Variants in RHOU observed in about 807,000 individuals in gnomAD.
RHOU encodes ras homolog family member U, also known as rho-related GTP-binding protein RhoU.
RHOU carries 8 observed loss-of-function variants against 12.6 expected under a neutral mutation model. The ratio of observed to expected loss-of-function variants is 0.64; its 90% CI spans 0.37 to 1.15. RHOU has a LOEUF of 1.15. Ranked by LOEUF, RHOU falls within the 50% of genes most tolerant of loss-of-function variation. RHOU has a pLI of 0.01. For missense variants in RHOU, 258 were observed against 347.0 expected (o/e 0.74, Z 2.04); for synonymous variants, 161 against 147.4 (o/e 1.09, Z -0.67).
chr1:228,646,837 C>G, the RHOU span, among the ~76,000 whole-genome samples: 17 of 151,962 alleles, frequency 1.1e-4, no homozygotes, highest in Non-Finnish European at 2.2e-4. Context: ...CAGACACACA[C>G]GGCTTGAAGG....
At chr1:228,646,831 C>T in the RHOU span, among the ~76,000 whole-genome samples, 1 of 151,988 alleles carries the variant, frequency 6.6e-6, no homozygotes, top group Non-Finnish European at 1.5e-5. Context: ...GAAACACAGA[C>T]ACACACGGCT....
At chr1:228,654,190 C>T in the RHOU span, among the ~76,000 whole-genome samples, 1 of 151,940 alleles carries the variant, frequency 6.6e-6, no homozygotes, top group Non-Finnish European at 1.5e-5. Flanking sequence ...TTACTGAAGC[C>T]TTGAACTCCT....
chr1:228,742,107 T>G (rs900986838), intron 2 of RHOU, among the ~76,000 whole-genome samples: 5 of 152,232 alleles, frequency 3.3e-5, no homozygotes, highest in African/African-American at 1.2e-4. Context: ...GAACTTTTTC[T>G]TGTCATTGGG....
the RHOU span, among the ~76,000 whole-genome samples, chr1:228,700,077 A>G: frequency 6.6e-6 from 1 of 152,204 alleles, no homozygotes; most frequent in Non-Finnish European, 1.5e-5. Flanking sequence ...ATAGAGCTTT[A>G]TATAATGGAA....
At chr1:228,734,628 G>A (rs1258496096), upstream of RHOU, among the ~76,000 whole-genome samples, 1 of 149,228 alleles carries the variant, frequency 6.7e-6, no homozygotes, top group Non-Finnish European at 1.5e-5. Flanking sequence ...TAGTATCAAT[G>A]TGTATTAATA....
chr1:228,691,271 A>G, the RHOU span, among the ~76,000 whole-genome samples: 1 of 152,122 alleles, frequency 6.6e-6, no homozygotes, highest in African/African-American at 2.4e-5. Context: ...ACCAGTCTGT[A>G]GTTTACATTA....
chr1:228,707,184 T>TATATATATACATATATATATAC, the RHOU span, among the ~76,000 whole-genome samples: 2 of 86,262 alleles, frequency 2.3e-5, no homozygotes, highest in African/African-American at 1.4e-4. Context: ...ATTAACAAAA[T>TATATATATACATATATATATAC]ATATATATAT....
the RHOU span, among the ~76,000 whole-genome samples, chr1:228,647,121 C>T: frequency 6.6e-6 from 1 of 152,146 alleles, no homozygotes; most frequent in Non-Finnish European, 1.5e-5. Flanking sequence ...TTGAGCAGTC[C>T]GGAATAGGGT....
upstream of RHOU, among the ~76,000 whole-genome samples, chr1:228,734,704 A>C (rs1027027036): frequency 6.6e-6 from 1 of 152,160 alleles, no homozygotes; most frequent in African/African-American, 2.4e-5. Flanking sequence ...CTTGGCTAAG[A>C]GGCGTCCTTT....
chr1:228,725,144 A>C, the RHOU span, among the ~76,000 whole-genome samples: 16 of 152,320 alleles, frequency 1.1e-4, no homozygotes, highest in Admixed American at 1.0e-3. Context: ...CTTCTGAGTT[A>C]TTTCAGATTA....
chr1:228,707,192 TATACATATATATAC>T, the RHOU span, among the ~76,000 whole-genome samples: 1 of 76,876 alleles, frequency 1.3e-5, no homozygotes, highest in African/African-American at 9.3e-5. Context: ...AATATATATA[TATACATATATATAC>T]ATATATATAT....
chr1:228,709,572 C>G, the RHOU span, among the ~76,000 whole-genome samples: 628 of 145,970 alleles, frequency 4.3e-3, 14 homozygotes, highest in Admixed American at 0.037. Context: ...GGGTACATAA[C>G]GAAATGAAGG....
the RHOU span, among the ~76,000 whole-genome samples, chr1:228,652,017 C>A: frequency 1.3e-5 from 2 of 152,234 alleles, no homozygotes; most frequent in African/African-American, 4.8e-5. Flanking sequence ...GGCTTCCTCA[C>A]TGACCTTGGA....
intron 1 of RHOU, among the ~76,000 whole-genome samples, chr1:228,736,332 G>A (rs1233384044): frequency 2.0e-5 from 3 of 151,962 alleles, no homozygotes; most frequent in African/African-American, 7.3e-5. Flanking sequence ...TGAGTTCAGG[G>A]TGCCCGGTCA....
intron 2 of RHOU, among the ~76,000 whole-genome samples, chr1:228,740,279 C>A (rs1473253880): frequency 6.6e-6 from 1 of 152,080 alleles, no homozygotes; most frequent in African/African-American, 2.4e-5. Context: ...ATTCTTCTGG[C>A]CTCTTAGCAA....
At chr1:228,666,062 A>G in the RHOU span, among the ~76,000 whole-genome samples, 2 of 151,548 alleles carry the variant, frequency 1.3e-5, no homozygotes, top group African/African-American at 4.9e-5. Flanking sequence ...GGTTCAAGTG[A>G]TCCCCCCACC....
the RHOU span, among the ~76,000 whole-genome samples, chr1:228,660,660 G>A: frequency 2.0e-5 from 3 of 151,840 alleles, no homozygotes; most frequent in Non-Finnish European, 2.9e-5. Context: ...CTGCCTGGGT[G>A]CGGTGGCTCA....
the RHOU span, among the ~76,000 whole-genome samples, chr1:228,688,734 C>G: frequency 6.6e-6 from 1 of 152,132 alleles, no homozygotes; most frequent in African/African-American, 2.4e-5. Flanking sequence ...ATTGGTACTG[C>G]CTTTCAGTAT....
chr1:228,651,107 T>A, the RHOU span: 1 of 226,230 alleles, frequency 4.4e-6, no homozygotes, highest in Middle Eastern at 4.8e-4. Context: ...TTATGTCAAG[T>A]GGAAGAGGAG....
Sources: allele counts gnomAD v4.1 joint callset (sites outside exome capture counted in the v4.1 genomes callset), GRCh38; gene constraint gnomAD v4.1.1; transcripts MANE v1.5; gene names NCBI Gene and HGNC (gene_info 2026-07-23, HGNC 2026-07-21).